CPNE8: variants seen among roughly 807,000 people sequenced by gnomAD.
CPNE8 encodes copine-8.
A neutral mutation model predicts 81.5 loss-of-function variants in CPNE8; 45 were observed. The ratio of observed to expected loss-of-function variants is 0.55; its 90% CI spans 0.44 to 0.71. The LOEUF (loss-of-function observed/expected upper bound fraction) is 0.71. Ranked by LOEUF, CPNE8 falls within the 30% of genes least tolerant of loss-of-function variation. The probability of loss-of-function intolerance (pLI) is 0.00; values close to 1 mark genes in which losing one functional copy is unlikely to be tolerated. For missense variants in CPNE8, 594 were observed against 672.1 expected (o/e 0.88, Z 1.28); for synonymous variants, 252 against 226.3 (o/e 1.11, Z -1.02).
At chr12:38,745,452 G>A (rs142085765) in intron 10 of CPNE8, among the ~76,000 whole-genome samples, 1 of 152,312 alleles carries the variant, frequency 6.6e-6, no homozygotes, top group East Asian at 1.9e-4. Flanking sequence ...GGGCTGGATA[G>A]CAATCATCTT....
intron 19 of CPNE8, among the ~76,000 whole-genome samples, chr12:38,668,216 G>A (rs1488578152): frequency 6.6e-6 from 1 of 152,134 alleles, no homozygotes; most frequent in Non-Finnish European, 1.5e-5. Flanking sequence ...CAACATCATG[G>A]GAGGGGCAAA....
At chr12:38,858,032 T>A (rs2137074960) in intron 3 of CPNE8, among the ~76,000 whole-genome samples, 1 of 152,328 alleles carries the variant, frequency 6.6e-6, no homozygotes, top group East Asian at 1.9e-4. Context: ...TGTATATAAA[T>A]CCTTTTGAAA....
chr12:38,679,794 C>T, intron 16 of CPNE8: 3 of 563,934 alleles, frequency 5.3e-6, no homozygotes, highest in Non-Finnish European at 6.7e-6. Context: ...CATTTCTTCT[C>T]ATTTAGTTAT....
chr12:38,806,766 G>T (rs1205387759), intron 6 of CPNE8, among the ~76,000 whole-genome samples: 2 of 147,044 alleles, frequency 1.4e-5, no homozygotes, highest in East Asian at 2.4e-4. Flanking sequence ...AATTAGGCAG[G>T]AGAAGGAAAT....
At chr12:38,799,413 C>T (rs1942596410) in intron 6 of CPNE8, among the ~76,000 whole-genome samples, 1 of 152,122 alleles carries the variant, frequency 6.6e-6, no homozygotes, top group Admixed American at 6.5e-5. Context: ...TGCTCAACTA[C>T]ATGGAAACTG....
chr12:38,862,656 T>C (rs1485510512), intron 3 of CPNE8, among the ~76,000 whole-genome samples: 1 of 152,130 alleles, frequency 6.6e-6, no homozygotes, highest in Non-Finnish European at 1.5e-5. Context: ...CTCAAGAACT[T>C]AGAAGAGAAA....
chr12:38,772,963 G>C (rs529193787), intron 7 of CPNE8, among the ~76,000 whole-genome samples: 63 of 151,592 alleles, frequency 4.2e-4, no homozygotes, highest in South Asian at 2.9e-3. Flanking sequence ...GTAAAACAAT[G>C]GAATATTATT....
At chr12:38,754,428 A>T (rs1462664521) in intron 10 of CPNE8, among the ~76,000 whole-genome samples, 2 of 152,108 alleles carry the variant, frequency 1.3e-5, no homozygotes, top group Non-Finnish European at 2.9e-5. Flanking sequence ...GATATATATT[A>T]AAAAAACACA....
chr12:38,797,175 G>C (rs1317430567), intron 6 of CPNE8, among the ~76,000 whole-genome samples: 4 of 152,206 alleles, frequency 2.6e-5, no homozygotes, highest in Admixed American at 6.5e-5. Context: ...GTCCCTGTCT[G>C]ACAGCTTTGA....
At chr12:38,878,765 A>G (rs1040327314) in intron 1 of CPNE8, among the ~76,000 whole-genome samples, 9 of 152,208 alleles carry the variant, frequency 5.9e-5, no homozygotes, top group African/African-American at 2.2e-4. Context: ...TTCAACTTCA[A>G]AGCAAATCTG....
intron 6 of CPNE8, among the ~76,000 whole-genome samples, chr12:38,798,081 C>T (rs1942546208): frequency 1.3e-5 from 2 of 152,124 alleles, no homozygotes; most frequent in Non-Finnish European, 2.9e-5. Context: ...CATTGGTGTA[C>T]CTGAAAGTGA....
intron 10 of CPNE8, among the ~76,000 whole-genome samples, chr12:38,744,411 T>C (rs1428989861): frequency 6.6e-6 from 1 of 152,204 alleles, no homozygotes. Context: ...TCTAAGTCCA[T>C]TATATCGACC....
chr12:38,660,562 A>T (rs1938928943), intron 19 of CPNE8, among the ~76,000 whole-genome samples: 1 of 152,186 alleles, frequency 6.6e-6, no homozygotes, highest in African/African-American at 2.4e-5. Context: ...TAGAATAAAG[A>T]CTTCATGACT....
At chr12:38,679,535 A>G in intron 16 of CPNE8, 1 of 960,926 alleles carries the variant, frequency 1.0e-6, no homozygotes, top group South Asian at 4.8e-5. Context: ...TTATTGTGTG[A>G]CTGTCACTAC....
chr12:38,811,607 C>A (rs1270051697), intron 6 of CPNE8, among the ~76,000 whole-genome samples: 2 of 151,830 alleles, frequency 1.3e-5, no homozygotes, highest in Non-Finnish European at 2.9e-5. Flanking sequence ...GAAGTCCCAG[C>A]ACTTTCAGAG....
chr12:38,761,551 C>T (rs945818186), intron 9 of CPNE8, among the ~76,000 whole-genome samples: 10 of 152,098 alleles, frequency 6.6e-5, no homozygotes, highest in African/African-American at 2.4e-4. Flanking sequence ...ATTTTTCTAT[C>T]ATATGTAACA....
chr12:38,842,976 A>T (rs767149032), intron 4 of CPNE8, among the ~76,000 whole-genome samples: 3 of 152,188 alleles, frequency 2.0e-5, no homozygotes, highest in Non-Finnish European at 4.4e-5. Flanking sequence ...TAACATAAAC[A>T]CTACATCCTA....
At chr12:38,893,913 T>C (rs1376762315) in intron 1 of CPNE8, among the ~76,000 whole-genome samples, 1 of 152,200 alleles carries the variant, frequency 6.6e-6, no homozygotes, top group Non-Finnish European at 1.5e-5. Context: ...GAAAGTAAAA[T>C]AGCCTTTTTT....
At chr12:38,807,703 A>G (rs932922603) in intron 6 of CPNE8, among the ~76,000 whole-genome samples, 4 of 151,206 alleles carry the variant, frequency 2.6e-5, no homozygotes, top group African/African-American at 9.7e-5. Context: ...CAAGGACTTC[A>G]TGTCTAAAAC....
Sources: allele counts gnomAD v4.1 joint callset (sites outside exome capture counted in the v4.1 genomes callset), GRCh38; gene constraint gnomAD v4.1.1; transcripts MANE v1.5; gene names NCBI Gene and HGNC (gene_info 2026-07-23, HGNC 2026-07-21).